The following DOCK5 variants were observed in gnomAD, a reference collection of about 807,000 sequenced individuals.
DOCK5 encodes the protein dedicator of cytokinesis 5, also known as dedicator of cytokinesis protein 5.
DOCK5 carries 142 observed loss-of-function variants against 251.8 expected under a neutral mutation model. The observed-to-expected ratio is 0.56, with a 90% confidence interval of 0.49 to 0.65. DOCK5 has a LOEUF of 0.65. Ranked by LOEUF, DOCK5 falls within the 30% of genes least tolerant of loss-of-function variation. DOCK5 has a pLI of 0.00. For synonymous variants in DOCK5, 842 were observed against 835.5 expected, an observed-to-expected ratio of 1.01 and a Z score of -0.13; for missense variants, 2,111 against 2,312.3, an observed-to-expected ratio of 0.91 and a Z score of 1.79.
chr8:25,210,033 T>TATATATATATAA (rs1293166301), intron 1 of DOCK5, among the ~76,000 whole-genome samples: 1 of 22,866 alleles, frequency 4.4e-5, no homozygotes, highest in African/African-American at 8.8e-5. Context: ...TATATATATA[T>TATATATATATAA]AAATGTGTGT....
At chr8:25,191,458 T>C (rs1219061983) in intron 1 of DOCK5, among the ~76,000 whole-genome samples, 1 of 152,250 alleles carries the variant, frequency 6.6e-6, no homozygotes, top group Non-Finnish European at 1.5e-5. Flanking sequence ...ATTGGATTTA[T>C]CATAGTTATT....
chr8:25,296,071 C>A (rs1804607933), intron 6 of DOCK5, among the ~76,000 whole-genome samples: 1 of 152,208 alleles, frequency 6.6e-6, no homozygotes, highest in Non-Finnish European at 1.5e-5. Flanking sequence ...CCGCCCACCT[C>A]AGCCTCCCAA....
At chr8:25,368,352 A>T (rs1318158943) in intron 32 of DOCK5, 102 bp downstream of exon 32, 1 of 1,219,006 alleles carries the variant, frequency 8.2e-7, no homozygotes, top group East Asian at 2.5e-5. Context: ...CCTGAGATGT[A>T]TTTGTCTGTG....
chr8:25,348,094 A>C (rs1026640881), intron 26 of DOCK5, among the ~76,000 whole-genome samples: 4 of 152,218 alleles, frequency 2.6e-5, no homozygotes. Context: ...TTTTTTCTTC[A>C]TAAACATTTT....
At chr8:25,359,135 C>A in intron 28 of DOCK5, 74 bp downstream of exon 28, 1 of 1,309,984 alleles carries the variant, frequency 7.6e-7, no homozygotes, top group South Asian at 1.2e-5. Flanking sequence ...TGAAGCTGAG[C>A]ATCGTGAGTC....
chr8:25,363,771 T>C (rs1425777482), intron 29 of DOCK5, among the ~76,000 whole-genome samples: 2 of 152,198 alleles, frequency 1.3e-5, no homozygotes, highest in Non-Finnish European at 2.9e-5. Flanking sequence ...CCTGAACACA[T>C]GGTCTGCTCT....
intron 19 of DOCK5, 72 bp downstream of exon 19, chr8:25,332,420 G>A (rs1805704560): frequency 7.7e-7 from 1 of 1,297,070 alleles, no homozygotes; most frequent in Non-Finnish European, 1.1e-6. Flanking sequence ...TACCTAATTG[G>A]TTCACCATTT....
chr8:25,278,719 G>A, intron 5 of DOCK5, 54 bp downstream of exon 5: 2 of 1,542,630 alleles, frequency 1.3e-6, no homozygotes, highest in Non-Finnish European at 1.8e-6. Flanking sequence ...TCCTCAGCCT[G>A]TAGGTCCTTT....
At chr8:25,284,196 G>T (rs1485014197) in intron 5 of DOCK5, among the ~76,000 whole-genome samples, 1 of 152,182 alleles carries the variant, frequency 6.6e-6, no homozygotes, top group Non-Finnish European at 1.5e-5. Flanking sequence ...CTTAAGTGGG[G>T]ATTTTATGTG....
At chr8:25,388,956 A>G in intron 40 of DOCK5, 135 bp from the exon 41 acceptor site, 1 of 779,920 alleles carries the variant, frequency 1.3e-6, no homozygotes, top group East Asian at 2.7e-5. Flanking sequence ...GGCAAGGACT[A>G]GATTTTCAGT....
At chr8:25,285,547 C>G (rs1804310008) in intron 5 of DOCK5, among the ~76,000 whole-genome samples, 1 of 152,134 alleles carries the variant, frequency 6.6e-6, no homozygotes, top group African/African-American at 2.4e-5. Context: ...GTCTATAGTT[C>G]TGGAAAAATC....
intron 1 of DOCK5, among the ~76,000 whole-genome samples, chr8:25,198,578 A>G (rs1273293771): frequency 6.6e-6 from 1 of 152,158 alleles, no homozygotes; most frequent in East Asian, 1.9e-4. Context: ...TCTCAAAAAA[A>G]AAAAAATACT....
At position 25,377,594 on chromosome 8, in the gene DOCK5, C is replaced by A. The variant is rs556184324; in HGVS notation, c.3936+170C>A. 2.6e-5 allele frequency among the ~76,000 whole-genome samples: 4 copies of A among 152,338 alleles called. No individual in the cohort carries two copies. The South Asian group carries it at 8.3e-4, about 32-fold the overall frequency. Reference sequence around the variant, plus strand: ...TGCCATCTTCAAATTTGGGGGTCCCCAGTCCATTCACAGTTCTGGGCAACT... The same window carrying A: ...TGCCATCTTCAAATTTGGGGGTCCCAAGTCCATTCACAGTTCTGGGCAACT... On this transcript the variant is annotated intron_variant, in intron 38 of 51. Coordinates refer to ENST00000276440, the MANE Select transcript of DOCK5 (RefSeq NM_024940.8).
At chr8:25,245,016 A>G (rs1471361764) in intron 2 of DOCK5, among the ~76,000 whole-genome samples, 1 of 152,026 alleles carries the variant, frequency 6.6e-6, no homozygotes, top group Non-Finnish European at 1.5e-5. Flanking sequence ...CTTTTCCAGA[A>G]TCTTTTGCTT....
At chr8:25,281,688 G>C (rs1255089107) in intron 5 of DOCK5, among the ~76,000 whole-genome samples, 1 of 151,712 alleles carries the variant, frequency 6.6e-6, no homozygotes, top group African/African-American at 2.4e-5. Flanking sequence ...AGACCAGCCT[G>C]GCTAATATGG....
At chr8:25,281,333 C>T (rs1804185949) in intron 5 of DOCK5, among the ~76,000 whole-genome samples, 1 of 150,404 alleles carries the variant, frequency 6.6e-6, no homozygotes, top group African/African-American at 2.4e-5. Context: ...GAGGCTGAGG[C>T]AGGAGAATCG....
chr8:25,270,844 G>T (rs1417532528), intron 3 of DOCK5: 1 of 708,554 alleles, frequency 1.4e-6, no homozygotes, highest in East Asian at 2.7e-5. Flanking sequence ...TCAAGTCTCT[G>T]ATATAAAATG....
chr8:25,236,156 A>G (rs565478608), intron 1 of DOCK5, among the ~76,000 whole-genome samples: 1 of 152,224 alleles, frequency 6.6e-6, no homozygotes, highest in East Asian at 1.9e-4. Flanking sequence ...CTCTTCTCCT[A>G]AACTATCTAG....
At chr8:25,303,381 G>C (rs1357949929) in intron 10 of DOCK5, among the ~76,000 whole-genome samples, 1 of 152,160 alleles carries the variant, frequency 6.6e-6, no homozygotes, top group East Asian at 1.9e-4. Flanking sequence ...AATACTCGCT[G>C]GGAAGTGGTT....
Sources: allele counts gnomAD v4.1 joint callset (sites outside exome capture counted in the v4.1 genomes callset), GRCh38; gene constraint gnomAD v4.1.1; transcripts MANE v1.5; gene names NCBI Gene and HGNC (gene_info 2026-07-23, HGNC 2026-07-21).